The following ANKFN1 variants were observed in gnomAD, a reference collection of about 807,000 sequenced individuals.
The protein encoded by ANKFN1 is ankyrin repeat and fibronectin type III domain containing 1.
ANKFN1 carries 74 observed loss-of-function variants against 108.7 expected under a neutral mutation model. That is an observed-to-expected ratio of 0.68 (90% confidence interval 0.56 to 0.83). The LOEUF is 0.83. ANKFN1 is among the 40% of genes least tolerant of loss of function. The probability of loss-of-function intolerance (pLI) is 0.00; values close to 1 mark genes in which losing one functional copy is unlikely to be tolerated. For missense variants in ANKFN1, 1,505 were observed against 1,382.3 expected (o/e 1.09, Z -1.41); for synonymous variants, 547 against 516.2 (o/e 1.06, Z -0.81).
chr17:56,364,246 A>G (rs987630356), intron 6 of ANKFN1, among the ~76,000 whole-genome samples: 2 of 152,176 alleles, frequency 1.3e-5, no homozygotes, highest in Non-Finnish European at 2.9e-5. Context: ...TAAAAAAGAA[A>G]TGTGTCTAGT....
intron 1 of ANKFN1, among the ~76,000 whole-genome samples, chr17:56,173,551 C>T (rs867111527): frequency 6.7e-6 from 1 of 148,268 alleles, no homozygotes; most frequent in Non-Finnish European, 1.5e-5. Context: ...ATTTTTGGCT[C>T]TTTTTTTTTT....
chr17:56,058,616 G>C (rs1904921355), intron 4 of ANKFN1, among the ~76,000 whole-genome samples: 1 of 69,532 alleles, frequency 1.4e-5, no homozygotes, highest in South Asian at 3.9e-4. Context: ...GCCCTGCTGT[G>C]TGTTGTTCCG....
chr17:56,105,715 G>C (rs8071260), intron 4 of ANKFN1, among the ~76,000 whole-genome samples: 4 of 90,978 alleles, frequency 4.4e-5, no homozygotes, highest in South Asian at 2.7e-4. Flanking sequence ...TTTTGTCTGT[G>C]TGTGTGTGTG....
chr17:56,387,528 A>G (rs1293143047), intron 8 of ANKFN1, among the ~76,000 whole-genome samples: 2 of 152,236 alleles, frequency 1.3e-5, no homozygotes, highest in African/African-American at 2.4e-5. Flanking sequence ...AAAAATATGG[A>G]CTACAGTCCT....
chr17:56,374,492 A>C (rs189341862), intron 7 of ANKFN1, 109 bp from the exon 8 acceptor site: 1 of 819,848 alleles, frequency 1.2e-6, no homozygotes, highest in African/African-American at 1.7e-5. Context: ...AGGCTCCACA[A>C]ACAAATGTTT....
intron 3 of ANKFN1, among the ~76,000 whole-genome samples, chr17:56,299,374 C>G (rs1304879844): frequency 6.6e-6 from 1 of 152,128 alleles, no homozygotes; most frequent in Non-Finnish European, 1.5e-5. Flanking sequence ...GACTCTGACC[C>G]CTCTCCTGGT....
chr17:56,511,305 G>T lies in ANKFN1; in HGVS notation c.*36G>T. ...CCCGGCTGTCCACCCCTCCATGGCTGCTACCTGCGTTTTACATCACCCTTA... is the reference window on the plus strand; with the variant it reads ...CCCGGCTGTCCACCCCTCCATGGCTTCTACCTGCGTTTTACATCACCCTTA... On this transcript the variant is annotated 3_prime_UTR_variant, in exon 21 of 21. Transcript: ENST00000682825. 3 of 1,475,848 alleles carry T rather than the reference G, an allele frequency of 2.0e-6. No individual in the cohort carries two copies. The highest frequency in any genetic ancestry group is 2.7e-6 in the Non-Finnish European group (3 of 1,113,588). 91.4% of individuals were successfully genotyped at this position (1,475,848 alleles called of 1,614,324 possible). A position where few individuals can be genotyped will look rare whatever the true frequency, so the allele number is the denominator to read the frequency against.
chr17:56,381,842 A>T (rs1374487836), intron 8 of ANKFN1, among the ~76,000 whole-genome samples: 1 of 152,232 alleles, frequency 6.6e-6, no homozygotes, highest in Non-Finnish European at 1.5e-5. Flanking sequence ...GGAGAATGGA[A>T]CCAAGTTGGA....
intron 4 of ANKFN1, among the ~76,000 whole-genome samples, chr17:56,133,842 G>A (rs1240842835): frequency 6.6e-6 from 1 of 151,714 alleles, no homozygotes. Flanking sequence ...CACCAGATGT[G>A]CAGGGATATT....
chr17:56,063,360 A>G (rs1324009172), intron 4 of ANKFN1, among the ~76,000 whole-genome samples: 1 of 151,292 alleles, frequency 6.6e-6, no homozygotes, highest in Non-Finnish European at 1.5e-5. Flanking sequence ...GCTTGTTTCC[A>G]TTCTTCCCAT....
intron 8 of ANKFN1, among the ~76,000 whole-genome samples, chr17:56,437,871 T>C (rs1165535531): frequency 6.6e-6 from 1 of 151,990 alleles, no homozygotes; most frequent in African/African-American, 2.4e-5. Flanking sequence ...TCTAACTAGA[T>C]GGTATAACAT....
intron 3 of ANKFN1, among the ~76,000 whole-genome samples, chr17:56,272,124 T>C (rs2043809472): frequency 6.6e-6 from 1 of 152,192 alleles, no homozygotes; most frequent in African/African-American, 2.4e-5. Context: ...AAATTGCATT[T>C]ATTTTTCTAT....
chr17:56,390,721 T>A (rs1048683042), intron 8 of ANKFN1, among the ~76,000 whole-genome samples: 5 of 152,218 alleles, frequency 3.3e-5, no homozygotes, highest in Non-Finnish European at 7.3e-5. Context: ...GTTTCCTGAC[T>A]TTTTAATAAT....
At chr17:56,232,027 C>T (rs1027209090) in intron 3 of ANKFN1, among the ~76,000 whole-genome samples, 20 of 152,096 alleles carry the variant, frequency 1.3e-4, no homozygotes, top group Admixed American at 1.3e-4. Flanking sequence ...CTCCCTCTGA[C>T]TTTGGGTCAT....
chr17:56,360,400 GGC>G (rs1272687492), intron 6 of ANKFN1, among the ~76,000 whole-genome samples: 1 of 152,018 alleles, frequency 6.6e-6, no homozygotes, highest in Non-Finnish European at 1.5e-5. Context: ...GGCTTTCTCT[GGC>G]CACCAAGTCC....
chr17:56,181,728 GTA>G (rs1463868248), intron 1 of ANKFN1, among the ~76,000 whole-genome samples: 1 of 151,702 alleles, frequency 6.6e-6, no homozygotes, highest in African/African-American at 2.4e-5. Context: ...ATATATGTAC[GTA>G]TATATGTTTT....
At chr17:56,219,170 A>T (rs1474094843) in intron 2 of ANKFN1, among the ~76,000 whole-genome samples, 1 of 152,202 alleles carries the variant, frequency 6.6e-6, no homozygotes. Flanking sequence ...TATTGGACAA[A>T]GGACAATATA....
chr17:56,325,111 T>C (rs1163567341), intron 3 of ANKFN1, among the ~76,000 whole-genome samples: 1 of 152,206 alleles, frequency 6.6e-6, no homozygotes, highest in Non-Finnish European at 1.5e-5. Flanking sequence ...GAGAGTTTAT[T>C]TGGCTCCAGG....
intron 3 of ANKFN1, among the ~76,000 whole-genome samples, chr17:56,251,989 C>T (rs574208518): frequency 6.6e-6 from 1 of 152,268 alleles, no homozygotes; most frequent in African/African-American, 2.4e-5. Flanking sequence ...TATAAACTCC[C>T]TAGAAGGTGC....
Sources: allele counts gnomAD v4.1 joint callset (sites outside exome capture counted in the v4.1 genomes callset), GRCh38; gene constraint gnomAD v4.1.1; transcripts MANE v1.5; gene names NCBI Gene and HGNC (gene_info 2026-07-23, HGNC 2026-07-21).